TKT: variants seen among roughly 807,000 people sequenced by gnomAD.
TKT encodes the protein transketolase.
A neutral mutation model predicts 63.9 loss-of-function variants in TKT; 47 were observed. The ratio of observed to expected loss-of-function variants is 0.74; its 90% CI spans 0.58 to 0.94. The LOEUF (loss-of-function observed/expected upper bound fraction) is 0.94, where lower values mean the gene tolerates loss of function less well. Among genes scored for constraint, TKT ranks in the 40% least tolerant of loss-of-function variants. The probability of loss-of-function intolerance (pLI) is 0.00; values close to 1 mark genes in which losing one functional copy is unlikely to be tolerated. For missense variants in TKT, 721 were observed against 846.2 expected, an observed-to-expected ratio of 0.85 and a Z score of 1.84; for synonymous variants, 338 against 334.1, an observed-to-expected ratio of 1.01 and a Z score of -0.13.
chr3:53,230,387 C>T (rs1559647157), intron 8 of TKT, 70 bp downstream of exon 8: 4 of 1,593,956 alleles, frequency 2.5e-6, no homozygotes, highest in East Asian at 4.5e-5. Context: ...GCCAACATGG[C>T]TGCCCCGCAC....
At chr3:53,235,896 G>T (rs1705004841) in intron 4 of TKT, among the ~76,000 whole-genome samples, 2 of 152,274 alleles carry the variant, frequency 1.3e-5, no homozygotes, top group South Asian at 4.1e-4. Context: ...ACGTTAAAAA[G>T]AACACTGAAC....
chr3:53,251,898 G>T (rs1485806229), intron 1 of TKT, among the ~76,000 whole-genome samples: 2 of 152,208 alleles, frequency 1.3e-5, no homozygotes, highest in African/African-American at 4.8e-5. Context: ...CCAGCACTTT[G>T]GGAGGCCGAG....
chr3:53,233,529 C>T, intron 5 of TKT: 2 of 382,522 alleles, frequency 5.2e-6, no homozygotes, highest in East Asian at 4.6e-5. Context: ...TTAAGTAATC[C>T]AGAGCTCAGT....
chr3:53,254,777 G>A (rs931815172), intron 1 of TKT, among the ~76,000 whole-genome samples: 1 of 152,198 alleles, frequency 6.6e-6, no homozygotes, highest in Non-Finnish European at 1.5e-5. Context: ...GTAATTCACT[G>A]ACTGACCCCC....
intron 12 of TKT, 84 bp downstream of exon 12, chr3:53,227,972 A>C (rs1264261391): frequency 1.7e-6 from 2 of 1,190,222 alleles, no homozygotes; most frequent in African/African-American, 1.5e-5. Flanking sequence ...TTCAAGAAAG[A>C]ACAGAAAGAA....
intron 6 of TKT, 122 bp from the exon 7 acceptor site, chr3:53,231,672 C>T (rs1704768102): frequency 9.4e-7 from 1 of 1,068,086 alleles, no homozygotes; most frequent in Non-Finnish European, 1.3e-6. Context: ...GGCATCATCC[C>T]AGACAGGCAG....
At chr3:53,253,774 T>A (rs963873375) in intron 1 of TKT, among the ~76,000 whole-genome samples, 85 of 150,318 alleles carry the variant, frequency 5.7e-4, no homozygotes, top group Admixed American at 9.3e-4. Flanking sequence ...AAAAAAAAAA[T>A]TTTTTTTTTA....
At chr3:53,238,461 C>T (rs1705131321) in intron 4 of TKT, among the ~76,000 whole-genome samples, 1 of 152,218 alleles carries the variant, frequency 6.6e-6, no homozygotes, top group Admixed American at 6.5e-5. Flanking sequence ...ACTGTGAGGC[C>T]TCCTTGGAGA....
At chr3:53,226,992 C>A in intron 12 of TKT, 114 bp from the exon 13 acceptor site, 2 of 1,337,298 alleles carry the variant, frequency 1.5e-6, no homozygotes, top group South Asian at 2.9e-5. Context: ...GCTCAGCCTG[C>A]GGGCCTGTCC....
chr3:53,244,783 C>T (rs1029039383), intron 1 of TKT, among the ~76,000 whole-genome samples: 1 of 151,410 alleles, frequency 6.6e-6, no homozygotes, highest in Non-Finnish European at 1.5e-5. Flanking sequence ...TGGGTGAACA[C>T]TGGCGAGAGA....
At chr3:53,243,693 C>T (rs1269473032) in intron 1 of TKT, 18 of 449,610 alleles carry the variant, frequency 4.0e-5, no homozygotes, top group Non-Finnish European at 7.6e-5. Context: ...TAATCCCACG[C>T]TCCCAGTGCC....
intron 5 of TKT, 57 bp from the exon 6 acceptor site, chr3:53,233,331 G>C (rs1553677696): frequency 5.7e-6 from 8 of 1,405,522 alleles, no homozygotes; most frequent in African/African-American, 1.4e-5. Context: ...ACACCGAGGA[G>C]CCTTCCAGGG....
In TKT at chr3:53,229,360, C is replaced by T. The variant is rs781904592; in HGVS notation, c.1184G>A (p.Arg395Gln). 2.5e-6 allele frequency: 4 copies of T among 1,613,532 alleles called. No homozygotes were observed. Among genetic ancestry groups the T allele is most frequent in the African/African-American group, 1.3e-5 (1 of 74,882 alleles). The stretch of plus-strand genomic sequence containing the variant: ...GGCCATGCGAATCTGGTCAAAGGCC[C>T]GCGTGAAGAAGGCTGCAAAAGTGCT... Reference protein sequence around the residue: ...FCSTFAAFFTRAFDQIRMAAI... With the variant: ...FCSTFAAFFTQAFDQIRMAAI... The change falls in exon 9 of 14, where the codon CGG (arginine) becomes CAG (glutamine). Residue 395 changes from arginine (R) to glutamine (Q), a missense_variant. Coordinates refer to ENST00000462138, the MANE Select transcript of TKT (RefSeq NM_001064.4).
chr3:53,226,702 C>T, intron 13 of TKT, 54 bp downstream of exon 13: 1 of 1,612,642 alleles, frequency 6.2e-7, no homozygotes, highest in Non-Finnish European at 8.5e-7. Context: ...ACGTCCAACG[C>T]TCGGCTCTCT....
At chr3:53,229,476 C>A (rs1189996083) in intron 8 of TKT, 40 bp from the exon 9 acceptor site, 2 of 1,575,118 alleles carry the variant, frequency 1.3e-6, no homozygotes, top group Non-Finnish European at 1.7e-6. Context: ...AAGGGGCAGG[C>A]AGAGGGTGGT....
At chr3:53,254,429 A>G (rs1222171683) in intron 1 of TKT, among the ~76,000 whole-genome samples, 1 of 152,200 alleles carries the variant, frequency 6.6e-6, no homozygotes, top group African/African-American at 2.4e-5. Flanking sequence ...AGGGCTTTGA[A>G]AGACATCTAA....
At chr3:53,244,013 G>A (rs1027193220) in intron 1 of TKT, among the ~76,000 whole-genome samples, 13 of 152,204 alleles carry the variant, frequency 8.5e-5, no homozygotes, top group African/African-American at 3.1e-4. Flanking sequence ...AAATGGTGTG[G>A]CACAGGCTCT....
chr3:53,248,052 C>T (rs1047041410), intron 1 of TKT, among the ~76,000 whole-genome samples: 4 of 152,178 alleles, frequency 2.6e-5, no homozygotes, highest in Admixed American at 6.5e-5. Context: ...GCTGTAACCT[C>T]TTTGAGCCTC....
At chr3:53,252,128 GA>G (rs1441114416) in intron 1 of TKT, among the ~76,000 whole-genome samples, 1 of 152,204 alleles carries the variant, frequency 6.6e-6, no homozygotes, top group Non-Finnish European at 1.5e-5. Context: ...CAACAAGAGT[GA>G]AACTCCATCT....
Sources: allele counts gnomAD v4.1 joint callset (sites outside exome capture counted in the v4.1 genomes callset), GRCh38; gene constraint gnomAD v4.1.1; transcripts MANE v1.5; gene names NCBI Gene and HGNC (gene_info 2026-07-23, HGNC 2026-07-21).